The following CEP162 variants were observed in gnomAD, a reference collection of about 807,000 sequenced individuals.
CEP162 encodes centrosomal protein of 162 kDa.
In CEP162, 141 loss-of-function variants were observed where a neutral mutation model predicts 169.2. The observed-to-expected ratio is 0.83, with a 90% CI of 0.73 to 0.96. CEP162 has a LOEUF of 0.96. Among genes scored for constraint, CEP162 ranks in the 40% least tolerant of loss-of-function variants. The pLI, the probability that CEP162 is intolerant of heterozygous loss-of-function variation, is 0.00. For synonymous variants in CEP162, 540 were observed against 526.4 expected, an observed-to-expected ratio of 1.03 and a Z score of -0.35; for missense variants, 1,600 against 1,587.2, an observed-to-expected ratio of 1.01 and a Z score of -0.14.
At chr6:84,211,212 G>A (rs1232776776) in intron 6 of CEP162, among the ~76,000 whole-genome samples, 2 of 151,086 alleles carry the variant, frequency 1.3e-5, no homozygotes, top group African/African-American at 4.9e-5. Context: ...AAAATGAACT[G>A]TTAGAGTGAA....
intron 20 of CEP162, among the ~76,000 whole-genome samples, chr6:84,161,311 G>A (rs1387223140): frequency 1.3e-5 from 2 of 152,146 alleles, no homozygotes; most frequent in East Asian, 3.9e-4. Context: ...TTAGGAAAGG[G>A]AGTCAGGAAA....
At chr6:84,155,591 A>G in intron 21 of CEP162, 81 bp from the exon 22 acceptor site, 2 of 942,002 alleles carry the variant, frequency 2.1e-6, no homozygotes. Context: ...AATCTACAGA[A>G]ATCTCTGTAT....
intron 2 of CEP162, among the ~76,000 whole-genome samples, chr6:84,224,890 GTGTC>G (rs1370985179): frequency 1.3e-5 from 2 of 152,184 alleles, no homozygotes; most frequent in African/African-American, 2.4e-5. Flanking sequence ...TTTTCAAAAT[GTGTC>G]TGTATTTGAA....
intron 25 of CEP162, among the ~76,000 whole-genome samples, chr6:84,143,027 T>C (rs769089433): frequency 3.1e-4 from 47 of 152,218 alleles, no homozygotes; most frequent in Middle Eastern, 3.4e-3. Context: ...AAGTCTTCAA[T>C]AATTACTATG....
chr6:84,215,563 A>G, intron 4 of CEP162, 98 bp from the exon 5 acceptor site: 1 of 1,209,964 alleles, frequency 8.3e-7, no homozygotes, highest in Non-Finnish European at 1.1e-6. Context: ...AAATTTTAAA[A>G]ATTTTACAAA....
At chr6:84,212,653 G>A (rs947368516) in intron 6 of CEP162, among the ~76,000 whole-genome samples, 1 of 151,924 alleles carries the variant, frequency 6.6e-6, no homozygotes, top group Admixed American at 6.5e-5. Flanking sequence ...TGGCAAAACC[G>A]TAAACAACTA....
Position 84,211,968 on chromosome 6 carries a change from G to A in CEP162, c.571+989C>T, listed in dbSNP as rs551827557. Reference sequence around the variant, plus strand: ...GATATATACAAAATCACAATAATAGGAATTACCGGAAACTTCTCATGAGAA... The same window carrying A: ...GATATATACAAAATCACAATAATAGAAATTACCGGAAACTTCTCATGAGAA... On this transcript the variant is annotated intron_variant, in intron 6 of 26. Transcript: ENST00000403245. Among the ~76,000 whole-genome samples, 33 of 149,114 alleles carry A rather than the reference G, an allele frequency of 2.2e-4. 2 individuals carry two copies. The South Asian group carries it at 5.7e-3, about 26-fold the overall frequency.
At position 84,215,808 on chromosome 6, in the gene CEP162, G is replaced by C; in HGVS notation, c.287C>G (p.Ser96Cys). 6.3e-7 allele frequency: 1 copy of C among 1,591,818 alleles called. No homozygotes were observed. Among genetic ancestry groups the C allele is most frequent in the Non-Finnish European group, 8.6e-7 (1 of 1,167,048 alleles). The part of the protein sequence containing the change: ...KIQFLKSSGT[S>C]LLSTDSLETN... ...TTCTAAGCTATCAGTACTTAAGAGA[G>C]AGGTTCCACTGCTCTTAAGAAATTG... Residue 96 changes from serine to cysteine, a missense_variant, in exon 4 of 27, where the codon TCT (serine) becomes TGT (cysteine). Ser to Cys is a moderately radical substitution (Grantham distance 112). Coordinates refer to ENST00000403245, the MANE Select transcript of CEP162 (RefSeq NM_014895.4).
chr6:84,219,492 C>T (rs1174954753), intron 3 of CEP162, among the ~76,000 whole-genome samples: 1 of 152,110 alleles, frequency 6.6e-6, no homozygotes, highest in African/African-American at 2.4e-5. Flanking sequence ...GATTCATTAT[C>T]TTCTAGACAA....
At chr6:84,147,707 C>T (rs2099519528) in intron 24 of CEP162, among the ~76,000 whole-genome samples, 1 of 152,064 alleles carries the variant, frequency 6.6e-6, no homozygotes, top group South Asian at 2.1e-4. Flanking sequence ...AAAGTCTACA[C>T]ATTTGGAAAA....
intron 21 of CEP162, among the ~76,000 whole-genome samples, chr6:84,155,971 C>T (rs1228370145): frequency 1.3e-5 from 2 of 152,142 alleles, no homozygotes; most frequent in African/African-American, 2.4e-5. Context: ...CACTACCTGA[C>T]TTCAAATTGT....
At chr6:84,199,932 T>C (rs2099543761) in intron 9 of CEP162, among the ~76,000 whole-genome samples, 1 of 152,180 alleles carries the variant, frequency 6.6e-6, no homozygotes, top group Admixed American at 6.5e-5. Flanking sequence ...AAGTATCATT[T>C]TTACCTATGA....
At chr6:84,146,808 G>GAGTT in intron 24 of CEP162, 23 bp from the exon 25 acceptor site, 2 of 1,275,364 alleles carry the variant, frequency 1.6e-6, no homozygotes, top group Non-Finnish European at 2.2e-6. Context: ...TAGAAGTGCT[G>GAGTT]AGTTAATAAA....
intron 18 of CEP162, among the ~76,000 whole-genome samples, chr6:84,165,800 G>C (rs1280690496): frequency 6.6e-6 from 1 of 152,102 alleles, no homozygotes; most frequent in Non-Finnish European, 1.5e-5. Flanking sequence ...GAAAATAAAA[G>C]CATTTGTAAA....
At position 84,152,899 on chromosome 6, in the gene CEP162, T is replaced by G; in HGVS notation, c.3275A>C (p.Glu1092Ala). 2.5e-6 allele frequency: 4 copies of G among 1,613,820 alleles called. No individual in the cohort carries two copies. The highest frequency in any genetic ancestry group is 3.4e-6 in the Non-Finnish European group (4 of 1,179,812). ...TTCTCTCTTTTTTGCAGCCAGTTCT[T>G]CATTGAGTCTTACTAATTTAGCTTT... is the stretch of plus-strand genomic sequence containing the variant. ...HAKAKLVRLNEELAAKKREIQ... is the reference protein window; with the variant it reads ...HAKAKLVRLNAELAAKKREIQ... The change falls in exon 23 of 27, where the codon GAA (glutamate) becomes GCA (alanine). Residue 1092 changes from glutamate to alanine, a missense_variant. Glu to Ala is a moderately radical substitution (Grantham distance 107). Transcript: ENST00000403245.
chr6:84,130,390 G>T (rs1716146263), intron 25 of CEP162, among the ~76,000 whole-genome samples: 1 of 152,118 alleles, frequency 6.6e-6, no homozygotes, highest in Non-Finnish European at 1.5e-5. Flanking sequence ...TTAGGGAGGA[G>T]TCCCTCTTTT....
At chr6:84,132,096 T>TA (rs2099511789) in intron 25 of CEP162, among the ~76,000 whole-genome samples, 1 of 152,212 alleles carries the variant, frequency 6.6e-6, no homozygotes, top group African/African-American at 2.4e-5. Context: ...CTCCTTCACT[T>TA]ACGAAGCTTA....
chr6:84,202,518 CTTTTTTTTTTTTTTT>C (rs70987776), intron 7 of CEP162, among the ~76,000 whole-genome samples: 6 of 90,746 alleles, frequency 6.6e-5, no homozygotes, highest in South Asian at 3.5e-4. Flanking sequence ...TTCTTTCTTT[CTTTTTTTTTTTTTTT>C]TTTTTTTTTT....
At chr6:84,143,374 T>C (rs896813951) in intron 25 of CEP162, among the ~76,000 whole-genome samples, 1 of 152,016 alleles carries the variant, frequency 6.6e-6, no homozygotes, top group African/African-American at 2.4e-5. Context: ...AAGAAATTAA[T>C]GTTACTAAGG....
Sources: allele counts gnomAD v4.1 joint callset (sites outside exome capture counted in the v4.1 genomes callset), GRCh38; gene constraint gnomAD v4.1.1; transcripts MANE v1.5; gene names NCBI Gene and HGNC (gene_info 2026-07-23, HGNC 2026-07-21).